Variants in TNR observed in about 807,000 individuals in gnomAD.
TNR encodes tenascin-R.
In TNR, 45 loss-of-function variants were observed where a neutral mutation model predicts 150.4. That is an observed-to-expected ratio of 0.30 (90% confidence interval 0.24 to 0.38). The LOEUF is 0.38. Among genes scored for constraint, TNR ranks in the 10% least tolerant of loss-of-function variants. The pLI, the probability that TNR is intolerant of heterozygous loss-of-function variation, is 1.00. For missense variants in TNR, 1,544 were observed against 1,759.1 expected (o/e 0.88, Z 2.19); for synonymous variants, 687 against 678.4 (o/e 1.01, Z -0.20).
At chr1:175,572,414 G>T (rs997234709) in intron 1 of TNR, among the ~76,000 whole-genome samples, 6 of 152,108 alleles carry the variant, frequency 3.9e-5, no homozygotes, top group Non-Finnish European at 8.8e-5. Flanking sequence ...AGAGGCTGAG[G>T]TATTTTAGTA....
intron 1 of TNR, among the ~76,000 whole-genome samples, chr1:175,670,522 G>A (rs1039382098): frequency 2.6e-5 from 4 of 152,230 alleles, no homozygotes; most frequent in Non-Finnish European, 5.9e-5. Flanking sequence ...TACTTATTCA[G>A]CTATCATTTA....
At position 175,451,753 on chromosome 1, in the gene TNR, A is replaced by G. The variant is rs1285350999; in HGVS notation, c.-63-44976T>C. 2.0e-5 allele frequency among the ~76,000 whole-genome samples: 3 copies of G among 152,346 alleles called. No homozygotes were observed. The East Asian group carries it at 5.8e-4, about 29-fold the overall frequency. On this transcript the variant is annotated intron_variant, in intron 2 of 22. Transcript: ENST00000367674. ...CTTGGCAGGATTGTAGCTCTTACTG[A>G]TGAAAGAGAAATCAAGCCAAGCCTG... is the stretch of plus-strand genomic sequence containing the variant.
intron 2 of TNR, among the ~76,000 whole-genome samples, chr1:175,434,760 G>A (rs1337456191): frequency 6.6e-6 from 1 of 152,106 alleles, no homozygotes; most frequent in East Asian, 1.9e-4. Flanking sequence ...TACACAGCAT[G>A]GAGTTTCTGA....
intron 2 of TNR, among the ~76,000 whole-genome samples, chr1:175,415,849 T>C (rs114074635): frequency 0.015 from 2,242 of 151,986 alleles, 29 homozygotes; most frequent in South Asian, 0.028. Context: ...GAAGTGAAGA[T>C]TGGAAGTGAA....
chr1:175,451,279 G>T (rs904095850), intron 2 of TNR, among the ~76,000 whole-genome samples: 8 of 148,896 alleles, frequency 5.4e-5, no homozygotes, highest in African/African-American at 2.0e-4. Flanking sequence ...GTGCAGGTTT[G>T]TTATATATGT....
intron 2 of TNR, among the ~76,000 whole-genome samples, chr1:175,513,949 T>C (rs942763184): frequency 2.0e-5 from 3 of 152,334 alleles, no homozygotes; most frequent in Middle Eastern, 3.4e-3. Flanking sequence ...CAGGTGACTC[T>C]GATGTCACCA....
intron 20 of TNR, among the ~76,000 whole-genome samples, chr1:175,331,310 C>G: frequency 6.9e-6 from 1 of 145,512 alleles, no homozygotes; most frequent in East Asian, 2.0e-4. Context: ...GTTGCCCAGG[C>G]TGGAGTGGAG....
chr1:175,451,084 G>A (rs1214008928), intron 2 of TNR, among the ~76,000 whole-genome samples: 2 of 152,100 alleles, frequency 1.3e-5, no homozygotes, highest in Admixed American at 6.6e-5. Flanking sequence ...TGACCAAAGA[G>A]CTCAAAAACT....
chr1:175,364,376 G>A (rs559622492), intron 12 of TNR, among the ~76,000 whole-genome samples: 5 of 150,230 alleles, frequency 3.3e-5, no homozygotes, highest in Admixed American at 3.3e-4. Context: ...TCAGCTAAGT[G>A]TTTAATCTAC....
rs143143916 is a variant in TNR, at chr1:175,444,957, C to T, written c.-63-38180G>A. Among the ~76,000 whole-genome samples, 707 of 152,262 alleles carry T rather than the reference C, an allele frequency of 4.6e-3. 1 individual carries two copies. The highest frequency in any genetic ancestry group is 8.0e-3 in the Non-Finnish European group (542 of 68,022). On this transcript the variant is annotated intron_variant, in intron 2 of 22. Coordinates refer to ENST00000367674, the MANE Select transcript of TNR (RefSeq NM_003285.3). ...GGAAGATTTTTGAAGATTAGCATGG[C>T]AGAGTTAGTAAGGCAGTAAGAAGCC...
chr1:175,580,085 C>T (rs560421129), intron 1 of TNR, among the ~76,000 whole-genome samples: 11 of 152,104 alleles, frequency 7.2e-5, no homozygotes, highest in Non-Finnish European at 1.3e-4. Context: ...ACATTTGATT[C>T]GGGGAGGCAG....
chr1:175,651,455 A>T (rs1664993810), intron 1 of TNR, among the ~76,000 whole-genome samples: 1 of 152,170 alleles, frequency 6.6e-6, no homozygotes, highest in Admixed American at 6.5e-5. Flanking sequence ...CACAGCAGAC[A>T]TTTTTAAAAA....
chr1:175,592,187 G>A (rs1662827224), intron 1 of TNR, among the ~76,000 whole-genome samples: 1 of 152,150 alleles, frequency 6.6e-6, no homozygotes, highest in Non-Finnish European at 1.5e-5. Flanking sequence ...TAAGACATAA[G>A]AGATAACTTA....
At chr1:175,734,713 T>A (rs1489467184) in intron 1 of TNR, among the ~76,000 whole-genome samples, 1 of 152,232 alleles carries the variant, frequency 6.6e-6, no homozygotes, top group East Asian at 1.9e-4. Context: ...TTTCCCTTTT[T>A]CTCTTTTTTC....
At chr1:175,564,723 T>C (rs1011429338) in intron 1 of TNR, among the ~76,000 whole-genome samples, 14 of 152,138 alleles carry the variant, frequency 9.2e-5, no homozygotes, top group Admixed American at 5.2e-4. Context: ...TGAACACACC[T>C]ACACACTGAT....
chr1:175,363,880 G>A, intron 12 of TNR, 53 bp from the exon 13 acceptor site: 1 of 1,565,782 alleles, frequency 6.4e-7, no homozygotes. Context: ...GTGTGAAAAA[G>A]AAATTCTCAT....
chr1:175,636,303 A>T (rs544571012), intron 1 of TNR, among the ~76,000 whole-genome samples: 3 of 152,314 alleles, frequency 2.0e-5, no homozygotes, highest in South Asian at 2.1e-4. Context: ...ACTTTGTTCT[A>T]AGTCCTTTAC....
chr1:175,369,915 G>A (rs1181277739), intron 9 of TNR, among the ~76,000 whole-genome samples: 2 of 152,188 alleles, frequency 1.3e-5, no homozygotes, highest in Non-Finnish European at 2.9e-5. Context: ...TGTTGCTTAA[G>A]CATGGCAGAG....
intron 2 of TNR, among the ~76,000 whole-genome samples, chr1:175,429,383 G>C (rs969348651): frequency 1.3e-5 from 2 of 152,160 alleles, no homozygotes; most frequent in Non-Finnish European, 2.9e-5. Flanking sequence ...TAAAAGAACA[G>C]ATTCTAAACC....
Sources: allele counts gnomAD v4.1 joint callset (sites outside exome capture counted in the v4.1 genomes callset), GRCh38; gene constraint gnomAD v4.1.1; transcripts MANE v1.5; gene names NCBI Gene and HGNC (gene_info 2026-07-23, HGNC 2026-07-21).